MAML2: variants seen among roughly 807,000 people sequenced by gnomAD.
The protein encoded by MAML2 is mastermind like transcriptional coactivator 2, also known as mastermind-like protein 2.
MAML2 carries 22 observed loss-of-function variants against 96.1 expected under a neutral mutation model. The ratio of observed to expected loss-of-function variants is 0.23; its 90% confidence interval spans 0.16 to 0.33. The LOEUF is 0.33. Among genes scored for constraint, MAML2 ranks in the 10% least tolerant of loss-of-function variants. MAML2 has a pLI of 1.00. For missense variants in MAML2, 1,367 were observed against 1,392.4 expected (o/e 0.98, Z 0.29); for synonymous variants, 561 against 521.3 (o/e 1.08, Z -1.04).
intron 1 of MAML2, among the ~76,000 whole-genome samples, chr11:96,221,518 T>G (rs1280846165): frequency 6.6e-6 from 1 of 152,118 alleles, no homozygotes; most frequent in Non-Finnish European, 1.5e-5. Context: ...TTAAAATTAT[T>G]ACTCTGGGGA....
At chr11:95,990,895 G>A (rs1201527743) in intron 3 of MAML2, among the ~76,000 whole-genome samples, 1 of 152,130 alleles carries the variant, frequency 6.6e-6, no homozygotes, top group African/African-American at 2.4e-5. Flanking sequence ...TGAAGAGTGT[G>A]TGGGAAACAC....
intron 1 of MAML2, among the ~76,000 whole-genome samples, chr11:96,154,508 C>T (rs531003455): frequency 6.6e-6 from 1 of 152,306 alleles, no homozygotes; most frequent in African/African-American, 2.4e-5. Context: ...AACTTGTAGG[C>T]TGTCTTATCA....
chr11:96,052,041 CT>C (rs1342031978), intron 2 of MAML2, among the ~76,000 whole-genome samples: 3 of 152,216 alleles, frequency 2.0e-5, no homozygotes, highest in Non-Finnish European at 4.4e-5. Flanking sequence ...GTCTTAAACA[CT>C]CTATAAGTCA....
chr11:96,048,065 A>C (rs1858934722), intron 2 of MAML2, among the ~76,000 whole-genome samples: 2 of 152,086 alleles, frequency 1.3e-5, no homozygotes, highest in Admixed American at 1.3e-4. Flanking sequence ...TTGAGAAGCC[A>C]AGACGTTTTA....
chr11:96,267,964 C>T (rs1862854210), intron 1 of MAML2, among the ~76,000 whole-genome samples: 1 of 152,170 alleles, frequency 6.6e-6, no homozygotes, highest in Non-Finnish European at 1.5e-5. Flanking sequence ...TGACATAAGG[C>T]ACCTGTTGAA....
At chr11:96,221,501 C>G (rs1862136626) in intron 1 of MAML2, among the ~76,000 whole-genome samples, 1 of 152,006 alleles carries the variant, frequency 6.6e-6, no homozygotes, top group Non-Finnish European at 1.5e-5. Context: ...GGTTAGAGAC[C>G]CCACCTTTAA....
intron 2 of MAML2, among the ~76,000 whole-genome samples, chr11:96,041,376 C>T (rs1447512724): frequency 6.6e-6 from 1 of 151,436 alleles, no homozygotes; most frequent in East Asian, 1.9e-4. Flanking sequence ...TGGTGGGTGC[C>T]TGTGGTCCCA....
intron 1 of MAML2, among the ~76,000 whole-genome samples, chr11:96,221,243 C>T (rs759391608): frequency 7.2e-5 from 11 of 152,180 alleles, no homozygotes; most frequent in Non-Finnish European, 1.3e-4. Flanking sequence ...ATTAGCCTTG[C>T]TGTTCCCACT....
intron 1 of MAML2, among the ~76,000 whole-genome samples, chr11:96,271,885 A>G (rs1019588590): frequency 6.6e-6 from 1 of 152,112 alleles, no homozygotes; most frequent in African/African-American, 2.4e-5. Context: ...TTTGATATCA[A>G]TTCCCATTTC....
chr11:96,256,937 T>C (rs531566542), intron 1 of MAML2, among the ~76,000 whole-genome samples: 3 of 152,270 alleles, frequency 2.0e-5, no homozygotes, highest in African/African-American at 4.8e-5. Context: ...AAGAAATGAA[T>C]ACTTTGGGTA....
chr11:96,121,936 G>A (rs1233129526), intron 1 of MAML2, among the ~76,000 whole-genome samples: 3 of 128,270 alleles, frequency 2.3e-5, no homozygotes, highest in Non-Finnish European at 4.8e-5. Flanking sequence ...ACAGGCACCC[G>A]CCACCACGCC....
intron 2 of MAML2, among the ~76,000 whole-genome samples, chr11:96,023,538 G>A (rs1427625914): frequency 2.6e-5 from 4 of 152,144 alleles, no homozygotes; most frequent in Admixed American, 2.6e-4. Context: ...CGACTGATGT[G>A]GAATGTGGGT....
chr11:96,063,779 G>A (rs1024418657), intron 2 of MAML2, among the ~76,000 whole-genome samples: 7 of 152,140 alleles, frequency 4.6e-5, no homozygotes, highest in African/African-American at 1.7e-4. Flanking sequence ...AAACAAAAAA[G>A]TGTAAAAACT....
intron 1 of MAML2, among the ~76,000 whole-genome samples, chr11:96,208,879 A>G (rs746861121): frequency 1.3e-5 from 2 of 152,322 alleles, no homozygotes; most frequent in East Asian, 1.9e-4. Context: ...ATAAAAACCA[A>G]TAACAACTTC....
intron 1 of MAML2, among the ~76,000 whole-genome samples, chr11:96,187,413 T>C (rs1861590601): frequency 6.6e-6 from 1 of 152,220 alleles, no homozygotes; most frequent in Non-Finnish European, 1.5e-5. Context: ...AGAATTGAGG[T>C]ATAAACGTAG....
At chr11:96,253,487 A>G (rs1862615256) in intron 1 of MAML2, among the ~76,000 whole-genome samples, 1 of 152,214 alleles carries the variant, frequency 6.6e-6, no homozygotes, top group Non-Finnish European at 1.5e-5. Context: ...AATATCTCCC[A>G]TGCCATCTTG....
chr11:96,176,694 G>T (rs995395192), intron 1 of MAML2, among the ~76,000 whole-genome samples: 14 of 152,336 alleles, frequency 9.2e-5, no homozygotes, highest in Non-Finnish European at 1.8e-4. Flanking sequence ...GGTGTTGGCA[G>T]TTATGGAAAT....
chr11:96,266,625 A>G (rs1176746505), intron 1 of MAML2, among the ~76,000 whole-genome samples: 1 of 152,198 alleles, frequency 6.6e-6, no homozygotes, highest in Non-Finnish European at 1.5e-5. Context: ...TCACTGACAA[A>G]GTGAAATTGA....
chr11:96,222,128 C>A (rs1395311068), intron 1 of MAML2, among the ~76,000 whole-genome samples: 3 of 152,178 alleles, frequency 2.0e-5, no homozygotes, highest in Non-Finnish European at 2.9e-5. Context: ...CCAATATCAT[C>A]CCGGTCCATC....
Sources: allele counts gnomAD v4.1 joint callset (sites outside exome capture counted in the v4.1 genomes callset), GRCh38; gene constraint gnomAD v4.1.1; transcripts MANE v1.5; gene names NCBI Gene and HGNC (gene_info 2026-07-23, HGNC 2026-07-21).